Variants in MACROD2 observed in about 807,000 individuals in gnomAD.
MACROD2 encodes the protein ADP-ribose glycohydrolase MACROD2.
Under a neutral mutation model 70.4 loss-of-function variants are expected in MACROD2, and 36 were observed. That is an observed-to-expected ratio of 0.51 (90% CI 0.39 to 0.68). The LOEUF (loss-of-function observed/expected upper bound fraction) is 0.68, where lower values mean the gene tolerates loss of function less well. Ranked by LOEUF, MACROD2 falls within the 30% of genes least tolerant of loss-of-function variation. The pLI is 0.00. For missense variants in MACROD2, 496 were observed against 538.4 expected, an observed-to-expected ratio of 0.92 and a Z score of 0.78; for synonymous variants, 172 against 178.8, an observed-to-expected ratio of 0.96 and a Z score of 0.30.
chr20:15,200,758 C>T (rs1412104869), intron 5 of MACROD2, among the ~76,000 whole-genome samples: 2 of 152,130 alleles, frequency 1.3e-5, no homozygotes, highest in African/African-American at 2.4e-5. Flanking sequence ...ATCAGAGCAG[C>T]CCTTCTCAAA....
intron 3 of MACROD2, among the ~76,000 whole-genome samples, chr20:14,471,464 A>G (rs1395466322): frequency 1.3e-5 from 2 of 152,136 alleles, no homozygotes; most frequent in Non-Finnish European, 2.9e-5. Context: ...TATGCCTTCT[A>G]TGTGAGGTTT....
At chr20:15,347,730 A>C (rs550913206) in intron 6 of MACROD2, among the ~76,000 whole-genome samples, 1 of 152,310 alleles carries the variant, frequency 6.6e-6, no homozygotes, top group South Asian at 2.1e-4. Flanking sequence ...AAATTGTCTT[A>C]TCACTCTTTA....
intron 3 of MACROD2, among the ~76,000 whole-genome samples, chr20:14,247,963 T>C (rs576366345): frequency 2.6e-5 from 4 of 152,278 alleles, no homozygotes; most frequent in African/African-American, 9.6e-5. Flanking sequence ...GCATCATAGG[T>C]GGAGACTGAA....
At chr20:15,142,254 A>C (rs1226409883) in intron 5 of MACROD2, among the ~76,000 whole-genome samples, 1 of 152,196 alleles carries the variant, frequency 6.6e-6, no homozygotes, top group African/African-American at 2.4e-5. Context: ...TTCCAAGCTA[A>C]AAAATGTTGC....
intron 9 of MACROD2, among the ~76,000 whole-genome samples, chr20:15,879,404 G>A (rs1193688958): frequency 6.6e-6 from 1 of 152,026 alleles, no homozygotes; most frequent in Admixed American, 6.6e-5. Flanking sequence ...TATGACTCAA[G>A]CAAGCACATT....
chr20:15,236,048 C>A (rs1241885308), intron 6 of MACROD2, among the ~76,000 whole-genome samples: 8 of 152,208 alleles, frequency 5.3e-5, no homozygotes, highest in Non-Finnish European at 1.2e-4. Context: ...AGAACAAAGG[C>A]ACTTTTGCAT....
In MACROD2 at chr20:15,885,679, A is replaced by AT. The variant is rs940099861; in HGVS notation, c.728-77dup. 51 of 1,246,344 alleles carry AT rather than the reference A, an allele frequency of 4.1e-5. 1 individual carries two copies. The highest frequency in any genetic ancestry group is 1.2e-4 in the African/African-American group (6 of 49,904). 77.2% of individuals were successfully genotyped at this position (1,246,344 alleles called of 1,614,324 possible). On this transcript the variant is annotated intron_variant, in intron 9 of 17. Coordinates refer to ENST00000684519, the MANE Select transcript of MACROD2 (RefSeq NM_001351661.2). ...TACTGATCTGTTATCCCTTTCTTTG[A>AT]TTTTTTTTAATAATCCATCTGGAAC...
At chr20:14,298,716 G>T (rs960322274) in intron 3 of MACROD2, among the ~76,000 whole-genome samples, 2 of 149,878 alleles carry the variant, frequency 1.3e-5, no homozygotes, top group Non-Finnish European at 3.0e-5. Flanking sequence ...CTCATGGGAG[G>T]AGGTCTGAGT....
chr20:14,338,165 G>C lies in MACROD2; in HGVS notation c.272-155314G>C, dbSNP rs536439232. 2.6e-4 allele frequency among the ~76,000 whole-genome samples: 40 copies of C among 152,298 alleles called. 1 individual carries two copies. In the South Asian group the frequency reaches 8.3e-3, roughly 32 times the overall value. ...GCCTCTAATTCCGGCACTTTGGGAG[G>C]CCGAGGTGGGAGGATCACCTGAGGT... On this transcript the variant is annotated intron_variant, in intron 3 of 17. Coordinates refer to ENST00000684519, the MANE Select transcript of MACROD2 (RefSeq NM_001351661.2).
intron 5 of MACROD2, among the ~76,000 whole-genome samples, chr20:15,092,361 CTA>C (rs1321004810): frequency 6.7e-6 from 1 of 148,768 alleles, no homozygotes; most frequent in Non-Finnish European, 1.5e-5. Context: ...TATAATAAAA[CTA>C]TAATAAATTT....
intron 8 of MACROD2, among the ~76,000 whole-genome samples, chr20:15,753,736 C>G (rs1199208360): frequency 6.6e-6 from 1 of 152,222 alleles, no homozygotes; most frequent in Non-Finnish European, 1.5e-5. Flanking sequence ...TCCACAAGCA[C>G]TGTATAAACA....
chr20:15,638,675 G>A (rs144994471), intron 8 of MACROD2, among the ~76,000 whole-genome samples: 1 of 152,264 alleles, frequency 6.6e-6, no homozygotes, highest in East Asian at 1.9e-4. Flanking sequence ...AACCACCATG[G>A]CCAGTGCTCT....
intron 5 of MACROD2, among the ~76,000 whole-genome samples, chr20:14,891,028 T>C (rs1389764137): frequency 1.4e-5 from 2 of 139,404 alleles, no homozygotes; most frequent in African/African-American, 5.2e-5. Flanking sequence ...CCTTCCTTCC[T>C]ACCTTCCTTT....
chr20:15,674,754 TTGTGTG>T (rs3071296), intron 8 of MACROD2, among the ~76,000 whole-genome samples: 184 of 148,708 alleles, frequency 1.2e-3, no homozygotes, highest in African/African-American at 3.1e-3. Context: ...TGTGTGTGTG[TTGTGTG>T]TGTGTGTGTG....
intron 8 of MACROD2, among the ~76,000 whole-genome samples, chr20:15,851,494 A>G (rs1233023258): frequency 6.6e-6 from 1 of 152,002 alleles, no homozygotes; most frequent in Admixed American, 6.6e-5. Context: ...CCCTCTGTGC[A>G]TGTCCGTGTC....
chr20:15,841,245 C>A (rs1490553907), intron 8 of MACROD2, among the ~76,000 whole-genome samples: 1 of 152,124 alleles, frequency 6.6e-6, no homozygotes, highest in African/African-American at 2.4e-5. Flanking sequence ...CAAGGAAATA[C>A]AAGCGTATTT....
At chr20:14,097,402 G>C (rs1023293156) in intron 3 of MACROD2, among the ~76,000 whole-genome samples, 3 of 152,160 alleles carry the variant, frequency 2.0e-5, no homozygotes, top group African/African-American at 7.2e-5. Flanking sequence ...CTGTCTAATT[G>C]TAATTGGTTG....
At chr20:15,951,089 G>C (rs889434433) in intron 12 of MACROD2, among the ~76,000 whole-genome samples, 1 of 152,014 alleles carries the variant, frequency 6.6e-6, no homozygotes, top group Non-Finnish European at 1.5e-5. Flanking sequence ...AATAGGCAAT[G>C]GTAAATTACC....
intron 5 of MACROD2, among the ~76,000 whole-genome samples, chr20:14,837,185 T>C (rs1458227149): frequency 6.6e-6 from 1 of 151,988 alleles, no homozygotes; most frequent in Non-Finnish European, 1.5e-5. Context: ...AAATAATAAA[T>C]ATCTAAAAAA....
Sources: gnomAD v4.1 joint callset for allele counts (sites outside exome capture counted in the v4.1 genomes callset) on GRCh38, gnomAD v4.1.1 for gene constraint, MANE v1.5 for transcripts, NCBI Gene and HGNC (gene_info 2026-07-23, HGNC 2026-07-21) for gene names.